SCCPDH: variants seen among roughly 807,000 people sequenced by gnomAD.
SCCPDH encodes the protein saccharopine dehydrogenase-like oxidoreductase.
A neutral mutation model predicts 51.5 loss-of-function variants in SCCPDH; 34 were observed. That is an observed-to-expected ratio of 0.66 (90% confidence interval 0.50 to 0.88). The LOEUF is 0.88. Among genes scored for constraint, SCCPDH ranks in the 40% least tolerant of loss-of-function variants. The probability of loss-of-function intolerance (pLI) is 0.00; values close to 1 mark genes in which losing one functional copy is unlikely to be tolerated. For missense variants in SCCPDH, 464 were observed against 527.1 expected (o/e 0.88, Z 1.17); for synonymous variants, 187 against 191.3 (o/e 0.98, Z 0.19).
Position 246,760,153 on chromosome 1 carries a change from G to GTT in SCCPDH, c.934-10_934-9dup. 2 of 1,578,722 alleles carry GTT rather than the reference G, an allele frequency of 1.3e-6. No individual in the cohort carries two copies. The highest frequency in any genetic ancestry group is 1.8e-5 in the Admixed American group (1 of 55,962). ...GAGTTTTAAAAAAATATCACTGACG[G>GTT]TTTTTTTTTCCCTTTAGTTCCCATG... is the stretch of plus-strand genomic sequence containing the variant. On this transcript the variant is annotated splice_polypyrimidine_tract_variant and intron_variant, in intron 8 of 11. Coordinates refer to ENST00000366510, the MANE Select transcript of SCCPDH (RefSeq NM_016002.3).
intron 1 of SCCPDH, among the ~76,000 whole-genome samples, chr1:246,726,549 T>C (rs1397187940): frequency 6.6e-6 from 1 of 152,188 alleles, no homozygotes; most frequent in Non-Finnish European, 1.5e-5. Flanking sequence ...GACATAAATT[T>C]CTTGTTGGAG....
chr1:246,749,618 G>A (rs1668821118), intron 5 of SCCPDH, among the ~76,000 whole-genome samples: 1 of 152,200 alleles, frequency 6.6e-6, no homozygotes. Context: ...TTAGTAAAAT[G>A]AATGTATGGT....
intron 4 of SCCPDH, 121 bp from the exon 5 acceptor site, chr1:246,743,954 TG>T: frequency 1.7e-6 from 1 of 587,470 alleles, no homozygotes; most frequent in Non-Finnish European, 3.0e-6. Context: ...ACAAATTTTC[TG>T]TGTCAGCTGT....
intron 5 of SCCPDH, among the ~76,000 whole-genome samples, chr1:246,753,107 T>C (rs1668879343): frequency 6.6e-6 from 1 of 151,892 alleles, no homozygotes; most frequent in South Asian, 2.1e-4. Flanking sequence ...TGTCAGTCTT[T>C]CTCCTCTAGG....
intron 3 of SCCPDH, among the ~76,000 whole-genome samples, chr1:246,737,558 A>C (rs1369231334): frequency 6.6e-6 from 1 of 152,150 alleles, no homozygotes; most frequent in African/African-American, 2.4e-5. Context: ...AAAGCTTTTA[A>C]GTCATCTAGA....
At position 246,726,937 on chromosome 1, in the gene SCCPDH, T is replaced by G; in HGVS notation, c.236T>G (p.Ile79Ser). Residue 79 changes from isoleucine (I) to serine (S), a missense_variant, in exon 2 of 12, where the codon ATT (isoleucine) becomes AGT (serine). Coordinates refer to ENST00000366510, the MANE Select transcript of SCCPDH (RefSeq NM_016002.3). The stretch of plus-strand genomic sequence containing the variant: ...GAAGTTGGAATCATCATCTGTGATA[T>G]TGCTAATCCAGCCTCGCTTGATGAA... Reference protein sequence around the residue: ...SSEVGIIICDIANPASLDEMA... With the variant: ...SSEVGIIICDSANPASLDEMA... 6.2e-7 allele frequency: 1 copy of G among 1,614,190 alleles called. No homozygotes were observed. Among genetic ancestry groups the G allele is most frequent in the South Asian group, 1.1e-5 (1 of 91,082 alleles).
At chr1:246,747,198 C>T (rs1441387129) in intron 5 of SCCPDH, among the ~76,000 whole-genome samples, 4 of 152,030 alleles carry the variant, frequency 2.6e-5, no homozygotes, top group East Asian at 1.9e-4. Context: ...ATGTAGGCTC[C>T]GGACAGAGCA....
chr1:246,727,890 AT>A (rs910651606), intron 2 of SCCPDH, among the ~76,000 whole-genome samples: 2 of 151,874 alleles, frequency 1.3e-5, no homozygotes, highest in African/African-American at 4.8e-5. Context: ...CAGGATGTGG[AT>A]TTTTTTTCCA....
chr1:246,737,143 AT>A (rs1015245342), intron 3 of SCCPDH, among the ~76,000 whole-genome samples: 4 of 152,020 alleles, frequency 2.6e-5, no homozygotes, highest in Non-Finnish European at 4.4e-5. Context: ...TGATATTAAT[AT>A]GCATTTGCAG....
intron 10 of SCCPDH, 64 bp downstream of exon 10, chr1:246,764,421 C>T: frequency 1.2e-6 from 1 of 809,022 alleles, no homozygotes; most frequent in Non-Finnish European, 2.0e-6. Flanking sequence ...AAGTACAATG[C>T]CATTACAATA....
At chr1:246,732,822 AG>A (rs145462053) in intron 2 of SCCPDH, among the ~76,000 whole-genome samples, 2,774 of 152,308 alleles carry the variant, frequency 0.018, 86 homozygotes, top group African/African-American at 0.064. Flanking sequence ...ACAACTACCC[AG>A]GGAAGTGAGT....
intron 2 of SCCPDH, among the ~76,000 whole-genome samples, chr1:246,735,566 C>CT (rs1213766120): frequency 2.6e-5 from 4 of 152,254 alleles, no homozygotes; most frequent in Non-Finnish European, 4.4e-5. Context: ...GAGTCTCACT[C>CT]TGTCGCCCAG....
chr1:246,734,194 G>C (rs1473552754), intron 2 of SCCPDH, among the ~76,000 whole-genome samples: 1 of 152,116 alleles, frequency 6.6e-6, no homozygotes, highest in East Asian at 1.9e-4. Context: ...AAATTTGGGG[G>C]TGAAATAACT....
At chr1:246,752,477 G>A (rs891703480) in intron 5 of SCCPDH, among the ~76,000 whole-genome samples, 9 of 151,728 alleles carry the variant, frequency 5.9e-5, no homozygotes, top group Middle Eastern at 3.2e-3. Context: ...CAGAATTTGA[G>A]TGTTATAGGG....
Position 246,727,019 on chromosome 1 carries a change from C to G in SCCPDH, c.303+15C>G. ...GCGTAGGACCAGTAAGTAATCAACC[C>G]TTCTTTGTATCAGAACAAACAATCC... On this transcript the variant is annotated intron_variant, in intron 2 of 11. Transcript: ENST00000366510. 6.7e-7 allele frequency: 1 copy of G among 1,494,606 alleles called. No individual in the cohort carries two copies. Among genetic ancestry groups the G allele is most frequent in the Non-Finnish European group, 9.3e-7 (1 of 1,071,418 alleles). The allele number at this position is 1,494,606 out of a possible 1,614,324, so 92.6% of individuals were successfully genotyped here.
At position 246,724,674 on chromosome 1, in the gene SCCPDH, C is replaced by G; in HGVS notation, c.190+62C>G. 9 of 1,369,486 alleles carry G rather than the reference C, an allele frequency of 6.6e-6. No individual in the cohort carries two copies. In the South Asian group the frequency reaches 1.2e-4, roughly 19 times the overall value. 84.8% of individuals were successfully genotyped at this position (1,369,486 alleles called of 1,614,324 possible). ...CTGGGCCGGGGACCCCGCATCGCCC[C>G]AAACGAGCGTTTCTCCCGCAGGGAT... On this transcript the variant is annotated intron_variant, in intron 1 of 11. Transcript: ENST00000366510.
intron 5 of SCCPDH, among the ~76,000 whole-genome samples, chr1:246,744,570 C>T (rs1668730449): frequency 6.6e-6 from 1 of 151,176 alleles, no homozygotes; most frequent in Admixed American, 6.6e-5. Context: ...ATCCGCCCAC[C>T]TCAGCCTCCC....
At chr1:246,761,156 A>T (rs1669006594) in intron 9 of SCCPDH, among the ~76,000 whole-genome samples, 1 of 151,092 alleles carries the variant, frequency 6.6e-6, no homozygotes, top group Non-Finnish European at 1.5e-5. Context: ...TCCTCTCTGG[A>T]TGATATGTTC....
At chr1:246,761,328 G>A (rs1669009958) in intron 9 of SCCPDH, among the ~76,000 whole-genome samples, 1 of 152,328 alleles carries the variant, frequency 6.6e-6, no homozygotes, top group South Asian at 2.1e-4. Flanking sequence ...ACCTGCCTCA[G>A]CCTCCCAAAG....
Sources: allele counts gnomAD v4.1 joint callset (sites outside exome capture counted in the v4.1 genomes callset), GRCh38; gene constraint gnomAD v4.1.1; transcripts MANE v1.5; gene names NCBI Gene and HGNC (gene_info 2026-07-23, HGNC 2026-07-21).